TAF4: variants seen among roughly 807,000 people sequenced by gnomAD.
The protein encoded by TAF4 is transcription initiation factor TFIID subunit 4.
TAF4 carries 9 observed loss-of-function variants against 90.3 expected under a neutral mutation model. The ratio of observed to expected loss-of-function variants is 0.10; its 90% CI spans 0.06 to 0.17. The LOEUF is 0.17. Ranked by LOEUF, TAF4 falls within the 10% of genes least tolerant of loss-of-function variation. The probability of loss-of-function intolerance (pLI) is 1.00; values close to 1 mark genes in which losing one functional copy is unlikely to be tolerated. For missense variants in TAF4, 1,351 were observed against 1,370.7 expected (o/e 0.99, Z 0.23); for synonymous variants, 818 against 638.9 (o/e 1.28, Z -4.23).
chr20:61,982,377 GGA>G (rs747570047), intron 14 of TAF4, among the ~76,000 whole-genome samples: 1 of 90,558 alleles, frequency 1.1e-5, no homozygotes, highest in African/African-American at 4.9e-5. Context: ...ATACCCACCC[GGA>G]AGAGACACCA....
chr20:62,004,275 G>A (rs745530496), intron 7 of TAF4, among the ~76,000 whole-genome samples: 1 of 151,832 alleles, frequency 6.6e-6, no homozygotes, highest in African/African-American at 2.4e-5. Context: ...TTGCCTGGTG[G>A]CTACAGGTCA....
intron 1 of TAF4, among the ~76,000 whole-genome samples, chr20:62,033,588 T>G (rs1195514536): frequency 1.3e-5 from 2 of 151,846 alleles, no homozygotes; most frequent in Non-Finnish European, 1.5e-5. Context: ...AATACAAAAA[T>G]TAGCCAGGCA....
chr20:62,035,635 A>G (rs574642834), intron 1 of TAF4, among the ~76,000 whole-genome samples: 1 of 152,348 alleles, frequency 6.6e-6, no homozygotes, highest in South Asian at 2.1e-4. Flanking sequence ...TATTCCTATT[A>G]CCTTCGGGTT....
rs767838616 is a variant in TAF4, at chr20:62,012,842, T to C, written c.1614A>G (p.Ala538=). The change falls in exon 3 of 15, where the codon GCA becomes GCG. Residue 538 remains alanine, a synonymous_variant. Coordinates refer to ENST00000252996, the MANE Select transcript of TAF4 (RefSeq NM_003185.4). ...SQAQTTVQPS[A]TLQRSPGVQP... is the part of the protein sequence containing the mutation. ...GGACGCCGGGCGAGCGCTGCAGGGT[T>C]GCACTGGGCTGCACCGTTGTCTGGG... The C allele has an allele frequency of 1.2e-6, 2 of 1,613,948 alleles. No individual in the cohort carries two copies. Among genetic ancestry groups the C allele is most frequent in the South Asian group, 1.1e-5 (1 of 91,062 alleles).
intron 1 of TAF4, among the ~76,000 whole-genome samples, chr20:62,042,968 C>T (rs1035167610): frequency 6.6e-6 from 1 of 152,046 alleles, no homozygotes; most frequent in East Asian, 1.9e-4. Context: ...CCTAGGCTAA[C>T]GTGTGCTTGT....
At chr20:62,045,083 G>A (rs1030354083) in intron 1 of TAF4, among the ~76,000 whole-genome samples, 3 of 152,212 alleles carry the variant, frequency 2.0e-5, no homozygotes, top group Non-Finnish European at 4.4e-5. Flanking sequence ...AACTCACAAC[G>A]CCGACATGAA....
intron 14 of TAF4, among the ~76,000 whole-genome samples, chr20:61,990,733 CT>C (rs1213490621): frequency 1.3e-5 from 2 of 152,176 alleles, no homozygotes; most frequent in African/African-American, 4.8e-5. Context: ...TGAATCAGTA[CT>C]GAGCAGGACA....
intron 1 of TAF4, among the ~76,000 whole-genome samples, chr20:62,036,236 G>A (rs1254436003): frequency 6.6e-6 from 1 of 152,170 alleles, no homozygotes; most frequent in Admixed American, 6.5e-5. Context: ...TGTTGGCCAG[G>A]CTGGTCTCGA....
Position 62,064,584 on chromosome 20 carries a change from G to A in TAF4, c.1227C>T (p.Thr409=), listed in dbSNP as rs777852255. ...GLPKGAAGAV[T]QSLSRTPTAT... ...CCGTGGGCGTCCGGGACAGGCTCTG[G>A]GTCACTGCGCCGGCCGCGCCTTTGG... The change falls in exon 1 of 15, where the codon ACC becomes ACT. Residue 409 remains threonine (T), a synonymous_variant. Transcript: ENST00000252996. 1 of 1,499,714 alleles carries A rather than the reference G, an allele frequency of 6.7e-7. No homozygotes were observed. The highest frequency in any genetic ancestry group is 8.9e-7 in the Non-Finnish European group (1 of 1,129,838). 92.9% of individuals were successfully genotyped at this position (1,499,714 alleles called of 1,614,324 possible).
chr20:62,000,334 G>C (rs2055691321), intron 10 of TAF4, 80 bp from the exon 11 acceptor site: 19 of 1,555,524 alleles, frequency 1.2e-5, no homozygotes, highest in Non-Finnish European at 1.5e-5. Context: ...TGATCCAGCA[G>C]TTACTGCTTT....
intron 1 of TAF4, among the ~76,000 whole-genome samples, chr20:62,015,643 G>A (rs892223296): frequency 6.6e-6 from 1 of 152,214 alleles, no homozygotes; most frequent in Non-Finnish European, 1.5e-5. Context: ...ACGGGGCACA[G>A]GGGGCGGCCA....
At position 62,006,572 on chromosome 20, in the gene TAF4, C is replaced by G; in HGVS notation, c.2161G>C (p.Val721Leu). 6.3e-7 allele frequency: 1 copy of G among 1,592,942 alleles called. No homozygotes were observed. The highest frequency in any genetic ancestry group is 8.5e-7 in the Non-Finnish European group (1 of 1,172,246). Residue 721 changes from valine to leucine, a missense_variant, in exon 7 of 15, where the codon GTG (valine) becomes CTG (leucine). Val to Leu is a conservative substitution (Grantham distance 32). Around this residue, in one of 9 missense-constraint regions of TAF4, gnomAD observed 202 missense variants for 229.7 expected, o/e 0.88. Transcript: ENST00000252996. This position sits in a 1 kb window ranked among gnomAD's most constrained non-coding sequence, Gnocchi z 7.0. Reference sequence around the variant, plus strand: ...TGCGTGGGCTGCGTGAGGCTGAGCACAGGGGGCTGGAGGGCACTGGTCACG... The same window carrying G: ...TGCGTGGGCTGCGTGAGGCTGAGCAGAGGGGGCTGGAGGGCACTGGTCACG... ...ATVTSALQPPVLSLTQPTQVG... is the reference protein window; with the variant it reads ...ATVTSALQPPLLSLTQPTQVG...
Position 62,065,348 on chromosome 20 carries a change from CGGGGGCGGG to C in TAF4, c.454_462del (p.Pro152_Pro154del), listed in dbSNP as rs2056123756. On this transcript the variant is annotated inframe_deletion, in exon 1 of 15. Transcript: ENST00000252996. ...GGGCCGGCGGGCTTGGCGGGGCCGG[CGGGGGCGGG>C]CTCGGGCCCCGCGGCGACGGCGGCG... 1 of 952,752 alleles carries C rather than the reference CGGGGGCGGG, an allele frequency of 1.0e-6. No homozygotes were observed. Among genetic ancestry groups the C allele is most frequent in the Admixed American group, 7.0e-5 (1 of 14,192 alleles). The allele number at this position is 952,752 out of a possible 1,614,324, so 59.0% of individuals were successfully genotyped here.
chr20:61,994,677 C>T (rs2055652640), intron 14 of TAF4, among the ~76,000 whole-genome samples: 1 of 152,184 alleles, frequency 6.6e-6, no homozygotes, highest in Non-Finnish European at 1.5e-5. Flanking sequence ...CCACACATTT[C>T]CAACAGTCCT....
intron 10 of TAF4, 143 bp from the exon 11 acceptor site, chr20:62,000,397 C>T (rs749601689): frequency 8.6e-6 from 12 of 1,394,778 alleles, no homozygotes; most frequent in South Asian, 1.4e-5. Flanking sequence ...GGCAGTGGTA[C>T]CCATATTTTA....
chr20:61,982,022 AG>A (rs2055545991), intron 14 of TAF4, among the ~76,000 whole-genome samples: 1 of 130,628 alleles, frequency 7.7e-6, no homozygotes, highest in Non-Finnish European at 1.7e-5. Flanking sequence ...ACCCGAGAGG[AG>A]ACATCAAACC....
At chr20:61,993,876 C>T (rs987768917) in intron 14 of TAF4, among the ~76,000 whole-genome samples, 3 of 152,144 alleles carry the variant, frequency 2.0e-5, no homozygotes, top group African/African-American at 7.2e-5. Context: ...CCTCAGCCTC[C>T]CGAGTAGCTG....
intron 3 of TAF4, among the ~76,000 whole-genome samples, chr20:62,011,226 A>C (rs1053428368): frequency 3.9e-5 from 6 of 152,176 alleles, no homozygotes; most frequent in African/African-American, 1.4e-4. Context: ...AAAACATCAA[A>C]TAAAAACCTC....
intron 14 of TAF4, among the ~76,000 whole-genome samples, chr20:61,991,698 G>T (rs1177069458): frequency 6.6e-6 from 1 of 152,016 alleles, no homozygotes; most frequent in Non-Finnish European, 1.5e-5. Context: ...GTGGAAAATG[G>T]GACTCTCTGA....
Sources: gnomAD v4.1 joint callset for allele counts (sites outside exome capture counted in the v4.1 genomes callset) on GRCh38, gnomAD v4.1.1 for gene constraint, gnomAD v4.1.1 regional missense constraint, Gnocchi (gnomAD v3.1) non-coding constraint, MANE v1.5 for transcripts, NCBI Gene and HGNC (gene_info 2026-07-23, HGNC 2026-07-21) for gene names.